The following ADAMTS12 variants were observed in gnomAD, a reference collection of about 807,000 sequenced individuals.
ADAMTS12 encodes ADAM metallopeptidase with thrombospondin type 1 motif 12.
In ADAMTS12, 118 loss-of-function variants were observed where a neutral mutation model predicts 167.8. That is an observed-to-expected ratio of 0.70 (90% CI 0.61 to 0.82). ADAMTS12 has a LOEUF of 0.82. Ranked by LOEUF, ADAMTS12 falls within the 40% of genes least tolerant of loss-of-function variation. The probability of loss-of-function intolerance (pLI) is 0.00; values close to 1 mark genes in which losing one functional copy is unlikely to be tolerated. For synonymous variants in ADAMTS12, 704 were observed against 716.9 expected (o/e 0.98, Z 0.29); for missense variants, 1,916 against 1,998.8 (o/e 0.96, Z 0.79).
chr5:33,764,048 T>C (rs1318486141), intron 2 of ADAMTS12, among the ~76,000 whole-genome samples: 1 of 152,128 alleles, frequency 6.6e-6, no homozygotes, highest in Non-Finnish European at 1.5e-5. Flanking sequence ...TAAGAAACAA[T>C]AGTGGCTTCT....
At chr5:33,785,005 A>T (rs1393361871) in intron 2 of ADAMTS12, among the ~76,000 whole-genome samples, 1 of 152,130 alleles carries the variant, frequency 6.6e-6, no homozygotes, top group Non-Finnish European at 1.5e-5. Flanking sequence ...AATAGTGAGC[A>T]GTTAACCCTT....
chr5:33,806,824 T>A (rs1336615675), intron 2 of ADAMTS12, among the ~76,000 whole-genome samples: 1 of 152,272 alleles, frequency 6.6e-6, no homozygotes, highest in East Asian at 1.9e-4. Context: ...ATCTTTGAAG[T>A]TTCTCCTGAC....
intron 3 of ADAMTS12, among the ~76,000 whole-genome samples, chr5:33,746,712 C>T (rs1744800507): frequency 6.6e-6 from 1 of 152,192 alleles, no homozygotes; most frequent in Non-Finnish European, 1.5e-5. Flanking sequence ...CAATCAAACA[C>T]TAATCTGGGT....
rs143000443 is a variant in ADAMTS12, at chr5:33,527,467, G to T, written c.4607-101C>A. The T allele has an allele frequency of 2.5e-4, 286 of 1,164,124 alleles. 1 individual carries two copies. The African/African-American group carries it at 4.0e-3, about 16-fold the overall frequency. 72.1% of individuals were successfully genotyped at this position (1,164,124 alleles called of 1,614,324 possible). A position where few individuals can be genotyped will look rare whatever the true frequency, so the allele number is the denominator to read the frequency against. ...ATGTAAGACTTTATATGTCTACCAAGAAAGGAGCCATAACAATTCATAATA... is the reference window on the plus strand; with the variant it reads ...ATGTAAGACTTTATATGTCTACCAATAAAGGAGCCATAACAATTCATAATA... On this transcript the variant is annotated intron_variant, in intron 23 of 23. Coordinates refer to ENST00000504830, the MANE Select transcript of ADAMTS12 (RefSeq NM_030955.4).
chr5:33,614,257 G>A lies in ADAMTS12; in HGVS notation c.2508C>T (p.Cys836=). ...TCTCACCTGTCCCGCAGGTCACACT[G>A]CACTCTGTCCAGTGGCCGTACTGCC... ...YFWQYGHWTE[C]SVTCGTGIRR... is the part of the protein sequence containing the mutation. The change falls in exon 16 of 24, where the codon TGC becomes TGT. Residue 836 remains cysteine (C), a synonymous_variant. Transcript: ENST00000504830. 1 of 1,613,866 alleles carries A rather than the reference G, an allele frequency of 6.2e-7. No homozygotes were observed. The highest frequency in any genetic ancestry group is 8.5e-7 in the Non-Finnish European group (1 of 1,179,928).
At chr5:33,865,896 T>C (rs1388994555) in intron 2 of ADAMTS12, among the ~76,000 whole-genome samples, 1 of 152,034 alleles carries the variant, frequency 6.6e-6, no homozygotes, top group Non-Finnish European at 1.5e-5. Flanking sequence ...GAAATACACA[T>C]AACCAATGAG....
At chr5:33,528,420 T>C (rs918857337) in intron 23 of ADAMTS12, among the ~76,000 whole-genome samples, 5 of 152,162 alleles carry the variant, frequency 3.3e-5, no homozygotes, top group Admixed American at 2.0e-4. Context: ...CCCAAAACTA[T>C]TGAAATTGTA....
intron 3 of ADAMTS12, among the ~76,000 whole-genome samples, chr5:33,689,297 A>T (rs2112273547): frequency 6.6e-6 from 1 of 152,238 alleles, no homozygotes; most frequent in Admixed American, 6.5e-5. Flanking sequence ...CAGGACCAGC[A>T]TTTTAGCTGG....
At chr5:33,885,398 G>C (rs2111793363) in intron 1 of ADAMTS12, among the ~76,000 whole-genome samples, 1 of 152,254 alleles carries the variant, frequency 6.6e-6, no homozygotes, top group South Asian at 2.1e-4. Context: ...TCCTCCGGGA[G>C]GCCGAGTTTA....
At chr5:33,666,798 A>T (rs1318718885) in intron 5 of ADAMTS12, among the ~76,000 whole-genome samples, 1 of 152,128 alleles carries the variant, frequency 6.6e-6, no homozygotes, top group Non-Finnish European at 1.5e-5. Flanking sequence ...GCCACCATAC[A>T]GGGTCTTTTT....
chr5:33,585,976 T>G (rs1747326138), intron 18 of ADAMTS12, among the ~76,000 whole-genome samples: 1 of 152,164 alleles, frequency 6.6e-6, no homozygotes, highest in African/African-American at 2.4e-5. Flanking sequence ...TCTCACTTAG[T>G]TCAGCCCAGA....
rs56287218 is a variant in ADAMTS12, at chr5:33,588,928, C to T, written c.2655-119G>A. 1,345 of 1,209,398 alleles carry T rather than the reference C, an allele frequency of 1.1e-3. 17 individuals carry two copies. In the African/African-American group the frequency reaches 0.018, roughly 17 times the overall value. The allele number at this position is 1,209,398 out of a possible 1,614,324, so 74.9% of individuals were successfully genotyped here. On this transcript the variant is annotated intron_variant, in intron 17 of 23. Coordinates refer to ENST00000504830, the MANE Select transcript of ADAMTS12 (RefSeq NM_030955.4). ...CAGGGCTGGAAGGGCCATGGAGACA[C>T]TCCAACCCACTAGGGGGCGTGCTGC...
At chr5:33,758,104 C>T (rs1036007585) in intron 2 of ADAMTS12, among the ~76,000 whole-genome samples, 1 of 152,112 alleles carries the variant, frequency 6.6e-6, no homozygotes, top group African/African-American at 2.4e-5. Context: ...GTGTAAAGTG[C>T]TAGGATGAGT....
At chr5:33,631,251 G>C (rs1579775523) in intron 12 of ADAMTS12, among the ~76,000 whole-genome samples, 1 of 152,176 alleles carries the variant, frequency 6.6e-6, no homozygotes, top group East Asian at 1.9e-4. Flanking sequence ...TCTGGGGTTA[G>C]CTTAGAAAAT....
At chr5:33,660,256 T>C (rs920080851) in intron 6 of ADAMTS12, among the ~76,000 whole-genome samples, 2 of 152,142 alleles carry the variant, frequency 1.3e-5, no homozygotes, top group Non-Finnish European at 2.9e-5. Context: ...TATTGGGTAA[T>C]AGCTAAGTTA....
chr5:33,572,726 A>G (rs1282986451), intron 19 of ADAMTS12, among the ~76,000 whole-genome samples: 1 of 148,514 alleles, frequency 6.7e-6, no homozygotes, highest in African/African-American at 2.5e-5. Flanking sequence ...CCTATGCAAC[A>G]TAGTGTTGGA....
In ADAMTS12 at chr5:33,643,509, C is replaced by G. The variant is rs370820872; in HGVS notation, c.1480-39G>C. The G allele has an allele frequency of 2.1e-5, 34 of 1,588,092 alleles. No individual in the cohort carries two copies. In the African/African-American group the frequency reaches 4.3e-4, roughly 20 times the overall value. On this transcript the variant is annotated intron_variant, in intron 9 of 23. Transcript: ENST00000504830. ...TGCACTTCTTTTGTATTTTCAAAAC[C>G]TGCCACAAAGCATTTCTATAGTTAC...
chr5:33,738,289 C>T (rs188666022), intron 3 of ADAMTS12, among the ~76,000 whole-genome samples: 6 of 143,330 alleles, frequency 4.2e-5, no homozygotes, highest in East Asian at 3.9e-4. Context: ...GCTCTGTGGC[C>T]GTTGGGACTG....
intron 3 of ADAMTS12, among the ~76,000 whole-genome samples, chr5:33,750,909 T>C (rs1337838054): frequency 7.9e-5 from 12 of 152,238 alleles, no homozygotes; most frequent in African/African-American, 2.7e-4. Flanking sequence ...AATGTGTTGA[T>C]AATTTTTTTC....
Sources: gnomAD v4.1 joint callset for allele counts (sites outside exome capture counted in the v4.1 genomes callset) on GRCh38, gnomAD v4.1.1 for gene constraint, MANE v1.5 for transcripts, NCBI Gene and HGNC (gene_info 2026-07-23, HGNC 2026-07-21) for gene names.